EPHB1: variants seen among roughly 807,000 people sequenced by gnomAD.
The protein encoded by EPHB1 is ephrin type-B receptor 1.
Under a neutral mutation model 94.4 loss-of-function variants are expected in EPHB1, and 30 were observed. The observed-to-expected ratio is 0.32, with a 90% CI of 0.24 to 0.43. The LOEUF (loss-of-function observed/expected upper bound fraction) is 0.43, where lower values mean the gene tolerates loss of function less well. Among genes scored for constraint, EPHB1 ranks in the 20% least tolerant of loss-of-function variants. The pLI, the probability that EPHB1 is intolerant of heterozygous loss-of-function variation, is 1.00. For synonymous variants in EPHB1, 522 were observed against 489.1 expected, an observed-to-expected ratio of 1.07 and a Z score of -0.89; for missense variants, 1,055 against 1,308.3, an observed-to-expected ratio of 0.81 and a Z score of 2.99.
In EPHB1 at chr3:134,795,489, C is replaced by T. The variant is rs1157512988; in HGVS notation, c.-143C>T. 4 of 763,180 alleles carry T rather than the reference C, an allele frequency of 5.2e-6. No homozygotes were observed. Among genetic ancestry groups the T allele is most frequent in the Admixed American group, 3.0e-5 (1 of 32,914 alleles). 47.3% of individuals were successfully genotyped at this position (763,180 alleles called of 1,614,324 possible). ...CACACTCCTGCCCACGCCCACGCAG[C>T]GCTCCGGGAAGTCCGGTCCGGGCGA... is the stretch of plus-strand genomic sequence containing the variant. On this transcript the variant is annotated 5_prime_UTR_variant, in exon 1 of 16. Coordinates refer to ENST00000398015, the MANE Select transcript of EPHB1 (RefSeq NM_004441.5).
At chr3:134,824,125 C>CTTTTT (rs373504139) in intron 1 of EPHB1, among the ~76,000 whole-genome samples, 33 of 100,740 alleles carry the variant, frequency 3.3e-4, no homozygotes, top group African/African-American at 6.1e-4. Context: ...GGATAATGCC[C>CTTTTT]TTTTTTTTTT....
chr3:134,828,960 C>T (rs2036533815), intron 1 of EPHB1, among the ~76,000 whole-genome samples: 1 of 152,174 alleles, frequency 6.6e-6, no homozygotes, highest in South Asian at 2.1e-4. Flanking sequence ...AGGAAGCTGG[C>T]AGGGTTGGGG....
At chr3:134,978,941 A>C (rs1167136995) in intron 3 of EPHB1, among the ~76,000 whole-genome samples, 5 of 152,224 alleles carry the variant, frequency 3.3e-5, no homozygotes, top group African/African-American at 1.2e-4. Flanking sequence ...AAATAGGACC[A>C]GCTTTCTTGG....
intron 1 of EPHB1, among the ~76,000 whole-genome samples, chr3:134,803,750 C>T (rs527858889): frequency 1.6e-4 from 25 of 152,278 alleles, no homozygotes; most frequent in African/African-American, 3.9e-4. Context: ...CAAAGTTTGC[C>T]AAACTCCCTG....
intron 1 of EPHB1, among the ~76,000 whole-genome samples, chr3:134,899,114 G>A (rs2038146725): frequency 6.6e-6 from 1 of 152,180 alleles, no homozygotes; most frequent in African/African-American, 2.4e-5. Flanking sequence ...TGGGGTGGAG[G>A]AGGAGACATG....
In EPHB1 at chr3:135,193,213, C is replaced by G. The variant is rs534179741; in HGVS notation, c.2130+390C>G. On this transcript the variant is annotated intron_variant, in intron 11 of 15. Coordinates refer to ENST00000398015, the MANE Select transcript of EPHB1 (RefSeq NM_004441.5). The stretch of plus-strand genomic sequence containing the variant: ...AGCACAGCCACCCTCCCAGACTGCT[C>G]TCTGCATTTACAGGTTCAGAAGTAA... Among the ~76,000 whole-genome samples the G allele has an allele frequency of 2.0e-5, 3 of 152,222 alleles. No homozygotes were observed. In the South Asian group the frequency reaches 6.2e-4, roughly 32 times the overall value.
chr3:134,822,944 A>G (rs1040748698), intron 1 of EPHB1, among the ~76,000 whole-genome samples: 3 of 152,094 alleles, frequency 2.0e-5, no homozygotes, highest in Admixed American at 2.0e-4. Flanking sequence ...ATCTGGTGAA[A>G]AGGGAAGCGG....
intron 3 of EPHB1, among the ~76,000 whole-genome samples, chr3:135,074,921 G>A (rs926566732): frequency 2.0e-5 from 3 of 152,162 alleles, no homozygotes; most frequent in Admixed American, 2.0e-4. Flanking sequence ...GCCAGGGTGA[G>A]AGCCTACCAT....
At chr3:135,101,310 C>G (rs1177411293) in intron 3 of EPHB1, among the ~76,000 whole-genome samples, 1 of 152,070 alleles carries the variant, frequency 6.6e-6, no homozygotes, top group Non-Finnish European at 1.5e-5. Context: ...GTCTTTTCCT[C>G]TTCTTCTGAA....
intron 10 of EPHB1, among the ~76,000 whole-genome samples, chr3:135,189,741 T>A (rs1942410705): frequency 6.6e-6 from 1 of 151,970 alleles, no homozygotes; most frequent in African/African-American, 2.4e-5. Context: ...TCAACTGGAG[T>A]CTTTTTGTGT....
At position 135,183,047 on chromosome 3, in the gene EPHB1, TTTCTTTCTTTC is replaced by T. The variant is rs1559865380; in HGVS notation, c.1882+3068_1882+3078del. Among the ~76,000 whole-genome samples, 19 of 99,914 alleles carry T rather than the reference TTTCTTTCTTTC, an allele frequency of 1.9e-4. No individual in the cohort carries two copies. In the South Asian group the frequency reaches 4.3e-3, roughly 23 times the overall value. 65.5% of individuals were successfully genotyped at this position (99,914 alleles called of 152,430 possible). A position where few individuals can be genotyped will look rare whatever the true frequency, so the allele number is the denominator to read the frequency against. On this transcript the variant is annotated intron_variant, in intron 10 of 15. Coordinates refer to ENST00000398015, the MANE Select transcript of EPHB1 (RefSeq NM_004441.5). ...TTTCTTTTCTTTCTTTCTTTCTTTCTTTCTTTCTTTCTTTCTTTCTTTCTTTCTTTCTCTTT... is the reference window on the plus strand; with the variant it reads ...TTTCTTTTCTTTCTTTCTTTCTTTCTTTTCTTTCTTTCTTTCTTTCTCTTT...
At chr3:134,818,594 C>A (rs147087678) in intron 1 of EPHB1, among the ~76,000 whole-genome samples, 3 of 152,206 alleles carry the variant, frequency 2.0e-5, no homozygotes, top group Non-Finnish European at 4.4e-5. Context: ...CCTTTGCATC[C>A]TCATAGCTTA....
chr3:134,931,506 C>T (rs957197369), intron 2 of EPHB1, among the ~76,000 whole-genome samples: 1 of 152,184 alleles, frequency 6.6e-6, no homozygotes, highest in Non-Finnish European at 1.5e-5. Context: ...AAAAGTGCTG[C>T]GAGGGCTTCC....
intron 5 of EPHB1, among the ~76,000 whole-genome samples, chr3:135,153,142 T>C (rs184954597): frequency 7.9e-4 from 121 of 152,314 alleles, no homozygotes; most frequent in South Asian, 6.0e-3. Flanking sequence ...TCCAGGTCTT[T>C]GAGGGCAATC....
chr3:134,928,237 G>T (rs1025190180), intron 2 of EPHB1, among the ~76,000 whole-genome samples: 1 of 152,152 alleles, frequency 6.6e-6, no homozygotes, highest in Non-Finnish European at 1.5e-5. Context: ...ATTATCTTCA[G>T]ATCTCTGCTC....
At chr3:135,115,442 T>G (rs1939654397) in intron 4 of EPHB1, among the ~76,000 whole-genome samples, 1 of 152,190 alleles carries the variant, frequency 6.6e-6, no homozygotes, top group Non-Finnish European at 1.5e-5. Flanking sequence ...TGCCAGCCTC[T>G]CACCTCCTCC....
chr3:135,017,778 C>A (rs1935852523), intron 3 of EPHB1, among the ~76,000 whole-genome samples: 1 of 152,178 alleles, frequency 6.6e-6, no homozygotes, highest in African/African-American at 2.4e-5. Flanking sequence ...TGTCTCATTA[C>A]TTAGAGGCTG....
At chr3:134,868,833 C>A (rs1159099671) in intron 1 of EPHB1, among the ~76,000 whole-genome samples, 1 of 152,228 alleles carries the variant, frequency 6.6e-6, no homozygotes, top group Non-Finnish European at 1.5e-5. Flanking sequence ...CAATAGGGAC[C>A]TCCAGATGGG....
At chr3:135,231,095 G>C (rs191776547) in intron 12 of EPHB1, among the ~76,000 whole-genome samples, 2 of 152,294 alleles carry the variant, frequency 1.3e-5, no homozygotes, top group Admixed American at 1.3e-4. Context: ...CCTCCTCAGG[G>C]CAGAAGGGAT....
Sources: gnomAD v4.1 joint callset for allele counts (sites outside exome capture counted in the v4.1 genomes callset) on GRCh38, gnomAD v4.1.1 for gene constraint, MANE v1.5 for transcripts, NCBI Gene and HGNC (gene_info 2026-07-23, HGNC 2026-07-21) for gene names.